The following CCDC14 variants were observed in gnomAD, a reference collection of about 807,000 sequenced individuals.
CCDC14 encodes the protein coiled-coil domain containing 14.
A neutral mutation model predicts 81.4 loss-of-function variants in CCDC14; 71 were observed. The observed-to-expected ratio is 0.87, with a 90% CI of 0.72 to 1.06. The LOEUF (loss-of-function observed/expected upper bound fraction) is 1.06. Among genes scored for constraint, CCDC14 ranks in the 50% least tolerant of loss-of-function variants. CCDC14 has a pLI of 0.00. For missense variants in CCDC14, 1,046 were observed against 1,047.3 expected, an observed-to-expected ratio of 1.00 and a Z score of 0.02; for synonymous variants, 332 against 364.8, an observed-to-expected ratio of 0.91 and a Z score of 1.03.
Position 123,914,800 on chromosome 3 carries a change from C to A in CCDC14, c.2697G>T (p.Arg899Ser). ...GAATTCATTTCTCCAGAAGACCAGT[C>A]CTTAAAGACTTCTGGAGTCTAGCTA... ...ANIARLQKSLRTGLLEK is the reference protein window; with the variant it reads ...ANIARLQKSLSTGLLEK The change falls in exon 13 of 13, where the codon AGG becomes AGT. Residue 899 changes from arginine to serine, a missense_variant. Arg to Ser is a moderately radical substitution (Grantham distance 110). Transcript: ENST00000409697. 1.9e-6 allele frequency: 3 copies of A among 1,559,958 alleles called. No individual in the cohort carries two copies. The highest frequency in any genetic ancestry group is 2.4e-5 in the South Asian group (2 of 83,832).
At chr3:123,896,005 A>G (rs2034055767), downstream of CCDC14, among the ~76,000 whole-genome samples, 1 of 152,258 alleles carries the variant, frequency 6.6e-6, no homozygotes, top group Non-Finnish European at 1.5e-5. Context: ...TAGCCAAGAT[A>G]CAGAATCAAC....
At position 123,944,958 on chromosome 3, in the gene CCDC14, T is replaced by C; in HGVS notation, c.1234A>G (p.Met412Val). The C allele has an allele frequency of 6.2e-7, 1 of 1,606,958 alleles. No individual in the cohort carries two copies. ...DSEIQRLITE[M>V]EACISVLPTV... ...GGAAGTACAGATATACATGCCTCCA[T>C]TTCTGTAATCAACCTCTGAATTTCT... The change falls in exon 9 of 13, where the codon ATG becomes GTG. Residue 412 changes from methionine to valine, a missense_variant. Transcript: ENST00000409697.
intron 9 of CCDC14, 70 bp from the exon 10 acceptor site, chr3:123,933,825 T>C: frequency 9.8e-7 from 1 of 1,018,338 alleles, no homozygotes; most frequent in Non-Finnish European, 1.5e-6. Flanking sequence ...TGTGATAGCC[T>C]ATCAAAAAAG....
intron 5 of CCDC14, among the ~76,000 whole-genome samples, chr3:123,903,297 A>AACACACACACACACAC (rs57466490): frequency 3.0e-4 from 43 of 144,298 alleles, no homozygotes; most frequent in African/African-American, 1.0e-3. Flanking sequence ...TTATTTTTCA[A>AACACACACACACACAC]ACACACACAC....
At chr3:123,905,204 T>A (rs983275131) in intron 5 of CCDC14, among the ~76,000 whole-genome samples, 1 of 152,136 alleles carries the variant, frequency 6.6e-6, no homozygotes, top group Non-Finnish European at 1.5e-5. Context: ...ATAAAACTAC[T>A]GAGAAACCTT....
intron 5 of CCDC14, chr3:123,954,248 C>T (rs1201120781): frequency 1.3e-5 from 2 of 152,188 alleles, no homozygotes; most frequent in Non-Finnish European, 2.9e-5. Flanking sequence ...CAGGGTTTAG[C>T]ACTCTTTCTT....
intron 9 of CCDC14, among the ~76,000 whole-genome samples, chr3:123,938,727 A>T (rs1388777989): frequency 1.3e-5 from 2 of 151,980 alleles, no homozygotes; most frequent in Admixed American, 1.3e-4. Context: ...GAAGAATTTT[A>T]AAATAATGGG....
At chr3:123,951,086 C>T (rs2036991958) in intron 5 of CCDC14, among the ~76,000 whole-genome samples, 1 of 152,180 alleles carries the variant, frequency 6.6e-6, no homozygotes, top group South Asian at 2.1e-4. Flanking sequence ...TAAATACAAG[C>T]TTTAACACTT....
intron 5 of CCDC14, chr3:123,952,831 T>C (rs1048189361): frequency 8.9e-6 from 2 of 225,392 alleles, no homozygotes; most frequent in Non-Finnish European, 2.0e-5. Context: ...AGCTTGGATT[T>C]TGTGTATTTT....
Position 123,951,633 on chromosome 3 carries a change from T to C in CCDC14, c.353-2501A>G, listed in dbSNP as rs533139149. On this transcript the variant is annotated intron_variant, in intron 5 of 12. Transcript: ENST00000409697. ...TTTCCTTCTGCTCTTGGATTTCCTCTGGTCCTTAAGAATTGGCTAGTTTGA... is the reference window on the plus strand; with the variant it reads ...TTTCCTTCTGCTCTTGGATTTCCTCCGGTCCTTAAGAATTGGCTAGTTTGA... Among the ~76,000 whole-genome samples, 873 of 152,292 alleles carry C rather than the reference T, an allele frequency of 5.7e-3. 4 individuals carry two copies. The highest frequency in any genetic ancestry group is 9.7e-3 in the Non-Finnish European group (663 of 68,014).
At chr3:123,937,786 G>A (rs1036760571) in intron 9 of CCDC14, among the ~76,000 whole-genome samples, 1 of 151,720 alleles carries the variant, frequency 6.6e-6, no homozygotes, top group Non-Finnish European at 1.5e-5. Flanking sequence ...AGGTTTTGTA[G>A]TTTTAGTTTA....
intron 1 of CCDC14, among the ~76,000 whole-genome samples, chr3:123,959,998 C>G (rs1318376976): frequency 6.6e-6 from 1 of 151,872 alleles, no homozygotes; most frequent in African/African-American, 2.4e-5. Context: ...CTGAAAACAG[C>G]CTTTTTATAT....
At chr3:123,953,019 C>T (rs2700361) in intron 5 of CCDC14, 17,428 of 162,796 alleles carry the variant, frequency 0.11, 2,313 homozygotes, top group East Asian at 0.35. Flanking sequence ...GAATATTGCA[C>T]CCTGATCACA....
At chr3:123,943,586 C>T (rs1208016983) in intron 9 of CCDC14, among the ~76,000 whole-genome samples, 1 of 152,278 alleles carries the variant, frequency 6.6e-6, no homozygotes, top group East Asian at 1.9e-4. Flanking sequence ...GAAAGGAATG[C>T]TCCCCAGAGA....
intron 12 of CCDC14, among the ~76,000 whole-genome samples, chr3:123,924,945 A>G (rs1427490843): frequency 2.3e-5 from 3 of 132,554 alleles, no homozygotes; most frequent in Non-Finnish European, 4.5e-5. Flanking sequence ...ATATATATGT[A>G]TACATATATA....
intron 5 of CCDC14, among the ~76,000 whole-genome samples, chr3:123,905,379 G>A (rs2034285078): frequency 6.6e-6 from 1 of 152,164 alleles, no homozygotes; most frequent in Admixed American, 6.5e-5. Context: ...TCACTTCTGG[G>A]GGGCAGAAGA....
the CCDC14 span, among the ~76,000 whole-genome samples, chr3:123,886,984 T>A: frequency 2.6e-5 from 4 of 152,308 alleles, no homozygotes; most frequent in East Asian, 7.7e-4. Flanking sequence ...AAAGGGAGGA[T>A]GAAATTAGAA....
At chr3:123,952,495 A>T (rs1297068665) in intron 5 of CCDC14, 2 of 377,374 alleles carry the variant, frequency 5.3e-6, no homozygotes, top group Admixed American at 5.3e-5. Context: ...AAAAATACAT[A>T]TTTTTTTTAA....
intron 12 of CCDC14, among the ~76,000 whole-genome samples, chr3:123,927,044 A>G (rs1180946806): frequency 6.6e-6 from 1 of 152,162 alleles, no homozygotes; most frequent in Non-Finnish European, 1.5e-5. Flanking sequence ...GTGTCATCAA[A>G]GAAATTATAA....
Sources: gnomAD v4.1 joint callset for allele counts (sites outside exome capture counted in the v4.1 genomes callset) on GRCh38, gnomAD v4.1.1 for gene constraint, MANE v1.5 for transcripts, NCBI Gene and HGNC (gene_info 2026-07-23, HGNC 2026-07-21) for gene names.